The following PARM1 variants were observed in gnomAD, a reference collection of about 807,000 sequenced individuals.
PARM1 encodes the protein prostate androgen-regulated mucin-like protein 1.
A neutral mutation model predicts 24.6 loss-of-function variants in PARM1; 14 were observed. The ratio of observed to expected loss-of-function variants is 0.57; its 90% confidence interval spans 0.38 to 0.89. The LOEUF is 0.89. Ranked by LOEUF, PARM1 falls within the 40% of genes least tolerant of loss-of-function variation. PARM1 has a pLI of 0.00. For synonymous variants in PARM1, 179 were observed against 156.6 expected (o/e 1.14, Z -1.07); for missense variants, 362 against 380.4 (o/e 0.95, Z 0.40).
chr4:74,933,430 G>C (rs1272051964), intron 1 of PARM1, 60 bp downstream of exon 1: 2 of 1,481,954 alleles, frequency 1.3e-6, no homozygotes, highest in Non-Finnish European at 1.9e-6. Flanking sequence ...TAGCTAGCGC[G>C]TGGTCGGGGC....
At chr4:74,998,396 A>C (rs1192617098) in intron 1 of PARM1, among the ~76,000 whole-genome samples, 1 of 152,220 alleles carries the variant, frequency 6.6e-6, no homozygotes, top group Admixed American at 6.6e-5. Context: ...GCAAATTAAA[A>C]GTCTAAAAGC....
At chr4:74,985,421 A>G (rs1722332436) in intron 1 of PARM1, among the ~76,000 whole-genome samples, 1 of 152,204 alleles carries the variant, frequency 6.6e-6, no homozygotes, top group Non-Finnish European at 1.5e-5. Context: ...GGCCCATGGA[A>G]GACTGCCTTT....
intron 1 of PARM1, among the ~76,000 whole-genome samples, chr4:74,954,141 C>A (rs1460449223): frequency 1.3e-5 from 2 of 152,226 alleles, no homozygotes; most frequent in Non-Finnish European, 2.9e-5. Context: ...TTCACTATTT[C>A]AGCAAGAGCT....
intron 3 of PARM1, among the ~76,000 whole-genome samples, chr4:75,043,027 T>C (rs1723529115): frequency 6.6e-6 from 1 of 151,986 alleles, no homozygotes; most frequent in Non-Finnish European, 1.5e-5. Flanking sequence ...TCTTACAGTA[T>C]AGGAGATTCA....
chr4:75,026,240 C>T (rs1403888908), intron 2 of PARM1, among the ~76,000 whole-genome samples: 1 of 152,074 alleles, frequency 6.6e-6, no homozygotes, highest in Non-Finnish European at 1.5e-5. Context: ...TTGTGAATCA[C>T]TTACTTTGGG....
Position 74,940,742 on chromosome 4 carries a change from A to G in PARM1, c.43+7372A>G, listed in dbSNP as rs553196050. 3.3e-5 allele frequency among the ~76,000 whole-genome samples: 5 copies of G among 152,334 alleles called. No individual in the cohort carries two copies. The East Asian group carries it at 5.8e-4, about 18-fold the overall frequency. Reference sequence around the variant, plus strand: ...CCATACTGTAGGACCACTCCATACTATAGGACTCTTGCTTTGTACTGTAAT... The same window carrying G: ...CCATACTGTAGGACCACTCCATACTGTAGGACTCTTGCTTTGTACTGTAAT... On this transcript the variant is annotated intron_variant, in intron 1 of 3. Coordinates refer to ENST00000307428, the MANE Select transcript of PARM1 (RefSeq NM_015393.4).
At chr4:75,024,244 C>T (rs1168422096) in intron 2 of PARM1, among the ~76,000 whole-genome samples, 2 of 144,768 alleles carry the variant, frequency 1.4e-5, no homozygotes, top group African/African-American at 2.7e-5. Context: ...GGCGGCAGAG[C>T]GAGACTCTGT....
rs371406179 is a variant in PARM1 at position 74,964,494 on chromosome 4, T to G, written c.43+31124T>G. Among the ~76,000 whole-genome samples, 71 of 152,120 alleles carry G rather than the reference T, an allele frequency of 4.7e-4. 1 individual carries two copies. Among genetic ancestry groups the G allele is most frequent in the African/African-American group, 1.7e-3 (69 of 41,488 alleles). ...CATTTGCAAATATTGCTCCCTCAGATAAGCCTTCGCTGACCTCTACTCTTA... is the reference window on the plus strand; with the variant it reads ...CATTTGCAAATATTGCTCCCTCAGAGAAGCCTTCGCTGACCTCTACTCTTA... On this transcript the variant is annotated intron_variant, in intron 1 of 3. Coordinates refer to ENST00000307428, the MANE Select transcript of PARM1 (RefSeq NM_015393.4).
intron 2 of PARM1, among the ~76,000 whole-genome samples, chr4:75,030,904 G>A (rs986952045): frequency 7.9e-5 from 12 of 152,200 alleles, no homozygotes; most frequent in African/African-American, 2.4e-4. Context: ...AAGAGGAGGA[G>A]GAGGAGGGGA....
intron 1 of PARM1, among the ~76,000 whole-genome samples, chr4:74,934,996 C>CTTTTTT (rs11392364): frequency 2.7e-4 from 31 of 116,510 alleles, no homozygotes; most frequent in East Asian, 5.0e-4. Context: ...GCTCTTTTTT[C>CTTTTTT]TTTTTTTTTT....
At chr4:74,951,126 G>C (rs1721513880) in intron 1 of PARM1, among the ~76,000 whole-genome samples, 1 of 152,236 alleles carries the variant, frequency 6.6e-6, no homozygotes, top group Non-Finnish European at 1.5e-5. Flanking sequence ...GCCAGCCTGC[G>C]GCTGTCAGAG....
chr4:74,978,202 T>C (rs554304036), intron 1 of PARM1, among the ~76,000 whole-genome samples: 1 of 152,334 alleles, frequency 6.6e-6, no homozygotes, highest in East Asian at 1.9e-4. Flanking sequence ...GACTCATCAG[T>C]GTGCTGTATT....
At position 75,012,436 on chromosome 4, in the gene PARM1, CAG is replaced by C; in HGVS notation, c.58_59del (p.Leu21AlafsTer23). 6.2e-7 allele frequency: 1 copy of C among 1,613,708 alleles called. No homozygotes were observed. The highest frequency in any genetic ancestry group is 8.5e-7 in the Non-Finnish European group (1 of 1,179,742). On this transcript the variant is annotated frameshift_variant, in exon 2 of 4. Coordinates refer to ENST00000307428, the MANE Select transcript of PARM1 (RefSeq NM_015393.4). LOFTEE classifies it high-confidence loss of function. ...TGGCTTTTCCACAGGATGGAGGGTACAGAGTCTGCCTACATCAGCTCCTTTGT... is the reference window on the plus strand; with the variant it reads ...TGGCTTTTCCACAGGATGGAGGGTACAGTCTGCCTACATCAGCTCCTTTGT... The part of the protein sequence containing the change: ...LCILTAGWRV[Q>X]SLPTSAPLSV...
intron 1 of PARM1, among the ~76,000 whole-genome samples, chr4:74,940,342 T>C (rs1234045547): frequency 6.6e-6 from 1 of 152,198 alleles, no homozygotes; most frequent in Non-Finnish European, 1.5e-5. Flanking sequence ...CAGGCTGCTA[T>C]AACAAAACAC....
chr4:74,986,061 C>T (rs544355156), intron 1 of PARM1, among the ~76,000 whole-genome samples: 1 of 152,174 alleles, frequency 6.6e-6, no homozygotes, highest in Non-Finnish European at 1.5e-5. Flanking sequence ...GCCACTGCAC[C>T]CGGCCTTAGA....
chr4:74,943,658 T>C (rs1721355884), intron 1 of PARM1, among the ~76,000 whole-genome samples: 2 of 152,172 alleles, frequency 1.3e-5, no homozygotes, highest in Non-Finnish European at 2.9e-5. Context: ...AGCTAAAACT[T>C]TATAAACTCC....
chr4:75,029,624 A>T (rs1191156719), intron 2 of PARM1, among the ~76,000 whole-genome samples: 1 of 152,124 alleles, frequency 6.6e-6, no homozygotes, highest in African/African-American at 2.4e-5. Flanking sequence ...ATAAATTACC[A>T]TCTTGAGTAT....
intron 1 of PARM1, chr4:74,993,857 CAT>C (rs1722523214): frequency 6.6e-6 from 1 of 152,070 alleles, no homozygotes; most frequent in Admixed American, 6.6e-5. Flanking sequence ...TAGGTAGGTA[CAT>C]ATGTCAAATC....
At chr4:74,976,833 A>G (rs1321510749) in intron 1 of PARM1, among the ~76,000 whole-genome samples, 1 of 151,966 alleles carries the variant, frequency 6.6e-6, no homozygotes, top group Non-Finnish European at 1.5e-5. Context: ...TCTGGAGTGG[A>G]CCCCCAGAAA....
Sources: gnomAD v4.1 joint callset for allele counts (sites outside exome capture counted in the v4.1 genomes callset) on GRCh38, gnomAD v4.1.1 for gene constraint, MANE v1.5 for transcripts, NCBI Gene and HGNC (gene_info 2026-07-23, HGNC 2026-07-21) for gene names.